Variants in CDC42BPA observed in about 807,000 individuals in gnomAD.
CDC42BPA encodes serine/threonine-protein kinase MRCK alpha.
A neutral mutation model predicts 223.5 loss-of-function variants in CDC42BPA; 80 were observed. The ratio of observed to expected loss-of-function variants is 0.36; its 90% CI spans 0.30 to 0.43. The LOEUF is 0.43. CDC42BPA is among the 20% of genes least tolerant of loss of function. The pLI is 1.00. For synonymous variants in CDC42BPA, 694 were observed against 718.6 expected (o/e 0.97, Z 0.55); for missense variants, 1,743 against 2,099.9 (o/e 0.83, Z 3.32).
chr1:227,243,346 C>T (rs183343770), intron 2 of CDC42BPA, among the ~76,000 whole-genome samples: 1 of 152,314 alleles, frequency 6.6e-6, no homozygotes, highest in East Asian at 1.9e-4. Flanking sequence ...AAGACTTCTA[C>T]ATTGAAAACT....
intron 26 of CDC42BPA, 23 bp from the exon 27 acceptor site, chr1:227,033,438 A>C: frequency 1.9e-6 from 3 of 1,545,118 alleles, no homozygotes; most frequent in Non-Finnish European, 2.7e-6. Flanking sequence ...CAAAGCATTA[A>C]AAGTTACTAT....
At chr1:227,258,194 AG>A (rs1683433067) in intron 1 of CDC42BPA, among the ~76,000 whole-genome samples, 1 of 149,542 alleles carries the variant, frequency 6.7e-6, no homozygotes, top group African/African-American at 2.5e-5. Context: ...AAAAAAAAAA[AG>A]AACTGAAAAT....
rs372108382 is a variant in CDC42BPA, at chr1:227,071,941, G to A, written c.2827+267C>T. On this transcript the variant is annotated intron_variant, in intron 20 of 36. Coordinates refer to ENST00000366766, the MANE Select transcript of CDC42BPA (RefSeq NM_001394014.1). Reference sequence around the variant, plus strand: ...GTAGTCCACTGCACTGAAAAAAAACGTCAAATTTATGGCAAAGTGTCTTTT... The same window carrying A: ...GTAGTCCACTGCACTGAAAAAAAACATCAAATTTATGGCAAAGTGTCTTTT... Among the ~76,000 whole-genome samples the A allele has an allele frequency of 7.9e-5, 12 of 151,252 alleles. No individual in the cohort carries two copies. The East Asian group carries it at 1.2e-3, about 15-fold the overall frequency.
intron 14 of CDC42BPA, among the ~76,000 whole-genome samples, chr1:227,105,949 T>C (rs1685849198): frequency 6.6e-6 from 1 of 152,192 alleles, no homozygotes; most frequent in Non-Finnish European, 1.5e-5. Flanking sequence ...ATATTTTGGG[T>C]ATATACCTAG....
chr1:227,045,946 T>C (rs1256638258), intron 23 of CDC42BPA, among the ~76,000 whole-genome samples: 3 of 151,994 alleles, frequency 2.0e-5, no homozygotes, highest in South Asian at 2.1e-4. Context: ...GCTGGCACTA[T>C]AGGTGCACAT....
chr1:227,252,987 G>A (rs1303040740), intron 2 of CDC42BPA, among the ~76,000 whole-genome samples: 1 of 152,166 alleles, frequency 6.6e-6, no homozygotes, highest in Non-Finnish European at 1.5e-5. Context: ...GAATAAATCT[G>A]CTGAAAGATG....
At chr1:227,265,956 C>T (rs1421686436) in intron 1 of CDC42BPA, among the ~76,000 whole-genome samples, 6 of 152,144 alleles carry the variant, frequency 3.9e-5, no homozygotes, top group South Asian at 2.1e-4. Context: ...TCAAGAATTC[C>T]GGGGATTAAG....
intron 15 of CDC42BPA, among the ~76,000 whole-genome samples, chr1:227,096,495 C>T (rs1020487639): frequency 5.3e-5 from 8 of 152,206 alleles, no homozygotes; most frequent in South Asian, 4.1e-4. Context: ...TGCTCTCCAC[C>T]ACACCAAAAT....
Position 227,047,921 on chromosome 1 carries a change from G to C in CDC42BPA, c.3093+6C>G. On this transcript the variant is annotated splice_donor_region_variant and intron_variant, in intron 23 of 36. Transcript: ENST00000366766. ...AACACACTATGCTTATAACTAGATTGAGTACCTTAGGTGGAAAGCCAGTTG... is the reference window on the plus strand; with the variant it reads ...AACACACTATGCTTATAACTAGATTCAGTACCTTAGGTGGAAAGCCAGTTG... 2 of 1,565,864 alleles carry C rather than the reference G, an allele frequency of 1.3e-6. No individual in the cohort carries two copies. Among genetic ancestry groups the C allele is most frequent in the Non-Finnish European group, 1.8e-6 (2 of 1,137,296 alleles).
intron 1 of CDC42BPA, among the ~76,000 whole-genome samples, chr1:227,295,153 A>C (rs1380832851): frequency 6.6e-6 from 1 of 152,100 alleles, no homozygotes; most frequent in African/African-American, 2.4e-5. Context: ...TCAAATTCAC[A>C]ATACATATAT....
intron 35 of CDC42BPA, among the ~76,000 whole-genome samples, chr1:226,998,901 CA>C (rs1488879303): frequency 2.0e-5 from 3 of 152,074 alleles, no homozygotes; most frequent in Non-Finnish European, 4.4e-5. Flanking sequence ...ATCCATCTGA[CA>C]AAGGGCTAAT....
intron 1 of CDC42BPA, among the ~76,000 whole-genome samples, chr1:227,267,706 G>A (rs1248999088): frequency 6.6e-6 from 1 of 152,166 alleles, no homozygotes; most frequent in Non-Finnish European, 1.5e-5. Context: ...AGGGAAGCAA[G>A]CACCTTCTTC....
chr1:227,299,973 T>C (rs913048630), intron 1 of CDC42BPA, among the ~76,000 whole-genome samples: 1 of 152,194 alleles, frequency 6.6e-6, no homozygotes, highest in Non-Finnish European at 1.5e-5. Context: ...CGGACCAGTT[T>C]TCTCAGAGTC....
chr1:227,236,954 G>T (rs1042329526), intron 2 of CDC42BPA, among the ~76,000 whole-genome samples: 2 of 142,428 alleles, frequency 1.4e-5, no homozygotes, highest in African/African-American at 5.2e-5. Flanking sequence ...GAGGTATGAG[G>T]ATCAACTGAG....
intron 15 of CDC42BPA, among the ~76,000 whole-genome samples, chr1:227,099,772 A>G (rs976600057): frequency 6.6e-6 from 1 of 152,102 alleles, no homozygotes; most frequent in Non-Finnish European, 1.5e-5. Context: ...TAAGAAATCA[A>G]TCACCTTCTC....
chr1:226,998,787 T>G (rs1469479547), intron 35 of CDC42BPA, among the ~76,000 whole-genome samples: 1 of 152,118 alleles, frequency 6.6e-6, no homozygotes, highest in African/African-American at 2.4e-5. Context: ...AAGCCAAAAT[T>G]GGCAAATGGG....
chr1:227,199,489 TTAAA>T, intron 4 of CDC42BPA, 64 bp downstream of exon 4: 2 of 928,850 alleles, frequency 2.2e-6, no homozygotes, highest in South Asian at 2.9e-5. Context: ...TAAACAATGC[TTAAA>T]TAAAAATAAT....
rs139047710 is a variant in CDC42BPA, at chr1:227,317,114, C to T, written c.69G>A (p.Gly23=). The T allele has an allele frequency of 3.1e-6, 5 of 1,613,952 alleles. No homozygotes were observed. Among genetic ancestry groups the T allele is most frequent in the African/African-American group, 2.7e-5 (2 of 74,910 alleles). ...FILDGPAQTN[G]QCFSVETLLD... ...GTAATGTCTCCACACTGAAGCACTG[C>T]CCATTGGTCTGAGCGGGCCCGTCCA... The change falls in exon 1 of 37, where the codon GGG becomes GGA. Residue 23 remains glycine, a synonymous_variant. Coordinates refer to ENST00000366766, the MANE Select transcript of CDC42BPA (RefSeq NM_001394014.1).
intron 1 of CDC42BPA, among the ~76,000 whole-genome samples, chr1:227,262,306 G>C (rs574089879): frequency 6.6e-6 from 1 of 152,060 alleles, no homozygotes; most frequent in South Asian, 2.1e-4. Context: ...TGTGCATATA[G>C]GACAAAATAA....
Sources: gnomAD v4.1 joint callset for allele counts (sites outside exome capture counted in the v4.1 genomes callset) on GRCh38, gnomAD v4.1.1 for gene constraint, MANE v1.5 for transcripts, NCBI Gene and HGNC (gene_info 2026-07-23, HGNC 2026-07-21) for gene names.